STAB2: variants seen among roughly 807,000 people sequenced by gnomAD.
STAB2 encodes stabilin 2.
A neutral mutation model predicts 338.1 loss-of-function variants in STAB2; 288 were observed. The ratio of observed to expected loss-of-function variants is 0.85; its 90% CI spans 0.77 to 0.94. The LOEUF is 0.94. Among genes scored for constraint, STAB2 ranks in the 40% least tolerant of loss-of-function variants. The pLI is 0.00. For synonymous variants in STAB2, 1,202 were observed against 1,193.3 expected (o/e 1.01, Z -0.15); for missense variants, 3,141 against 3,210.1 (o/e 0.98, Z 0.52).
chr12:103,748,098 G>A (rs934554597), intron 58 of STAB2, among the ~76,000 whole-genome samples: 1 of 151,806 alleles, frequency 6.6e-6, no homozygotes, highest in Non-Finnish European at 1.5e-5. Flanking sequence ...TATTTTTCAT[G>A]GATAAATATT....
At chr12:103,699,060 T>A (rs1878635913) in intron 33 of STAB2, 36 bp from the exon 34 acceptor site, 1 of 1,584,302 alleles carries the variant, frequency 6.3e-7, no homozygotes, top group Non-Finnish European at 8.6e-7. Context: ...GTCAGGCTGA[T>A]CTCTTGACTG....
chr12:103,640,122 G>A lies in STAB2; in HGVS notation c.907-1G>A, dbSNP rs753893082. On this transcript the variant is annotated splice_acceptor_variant, in intron 8 of 68. Coordinates refer to ENST00000388887, the MANE Select transcript of STAB2 (RefSeq NM_017564.10). LOFTEE classifies it high-confidence loss of function. ...TGTTTTTCTCTTCCTGTCTACTGAA[G>A]TCTCACTGCGAGTGTAAGGAGCATT... 1 of 1,610,110 alleles carries A rather than the reference G, an allele frequency of 6.2e-7. No individual in the cohort carries two copies. Among genetic ancestry groups the A allele is most frequent in the East Asian group, 2.2e-5 (1 of 44,836 alleles).
intron 56 of STAB2, among the ~76,000 whole-genome samples, chr12:103,743,142 T>G (rs180924663): frequency 1.3e-5 from 2 of 151,492 alleles, no homozygotes; most frequent in East Asian, 3.9e-4. Context: ...CCAGCCTCAG[T>G]CTCCTGAGTA....
At chr12:103,631,718 G>A (rs550374142) in intron 6 of STAB2, 25 bp downstream of exon 6, 1 of 1,605,108 alleles carries the variant, frequency 6.2e-7, no homozygotes, top group South Asian at 1.1e-5. Context: ...TTCCCTTAAT[G>A]CCACACCAGA....
chr12:103,712,642 G>A lies in STAB2; in HGVS notation c.4411+199G>A, dbSNP rs1879972739. 2.0e-5 allele frequency among the ~76,000 whole-genome samples: 3 copies of A among 152,106 alleles called. No individual in the cohort carries two copies. In the South Asian group the frequency reaches 6.2e-4, roughly 32 times the overall value. On this transcript the variant is annotated intron_variant, in intron 41 of 68. Coordinates refer to ENST00000388887, the MANE Select transcript of STAB2 (RefSeq NM_017564.10). ...GCCTTGACCACAATTGGGATCACCTGGGAAGCTTTAAAAAACAGTGATTTG... is the reference window on the plus strand; with the variant it reads ...GCCTTGACCACAATTGGGATCACCTAGGAAGCTTTAAAAAACAGTGATTTG...
chr12:103,593,510 A>G (rs1593118041), intron 2 of STAB2, among the ~76,000 whole-genome samples: 1 of 151,798 alleles, frequency 6.6e-6, no homozygotes, highest in African/African-American at 2.4e-5. Context: ...CTGCCCTTGG[A>G]CTCTCCTTCT....
chr12:103,695,179 G>A (rs889582590), intron 31 of STAB2, among the ~76,000 whole-genome samples: 3 of 152,190 alleles, frequency 2.0e-5, no homozygotes, highest in Non-Finnish European at 4.4e-5. Flanking sequence ...GAAAGGATTA[G>A]ATATTAGCTG....
chr12:103,682,486 G>T (rs757098344), intron 25 of STAB2, among the ~76,000 whole-genome samples: 2 of 152,186 alleles, frequency 1.3e-5, no homozygotes, highest in Non-Finnish European at 2.9e-5. Flanking sequence ...TTTCTAAATT[G>T]AACAAAGTGC....
intron 12 of STAB2, among the ~76,000 whole-genome samples, chr12:103,653,710 A>AGATGGATGGATGGATGGATGGATG (rs61343465): frequency 8.1e-6 from 1 of 122,986 alleles, no homozygotes; most frequent in Non-Finnish European, 1.7e-5. Context: ...ATGGATGGAT[A>AGATGGATGGATGGATGGATGGATG]GATGGATGGA....
At chr12:103,587,589 G>A in intron 1 of STAB2, 32 bp downstream of exon 1, 1 of 1,564,950 alleles carries the variant, frequency 6.4e-7, no homozygotes, top group South Asian at 1.1e-5. Flanking sequence ...TTTTTCATTT[G>A]TTAATTGTCA....
chr12:103,689,050 A>AT (rs904756588), intron 28 of STAB2, among the ~76,000 whole-genome samples: 1 of 151,826 alleles, frequency 6.6e-6, no homozygotes, highest in Non-Finnish European at 1.5e-5. Context: ...GTTGTTAAAC[A>AT]TGCCACTGCT....
intron 59 of STAB2, among the ~76,000 whole-genome samples, chr12:103,750,238 C>G (rs565134956): frequency 6.6e-6 from 1 of 152,304 alleles, no homozygotes; most frequent in Admixed American, 6.5e-5. Flanking sequence ...ATGCACTGTA[C>G]AGAAACAAAT....
At chr12:103,752,567 G>A (rs1031841591) in intron 60 of STAB2, among the ~76,000 whole-genome samples, 1 of 152,150 alleles carries the variant, frequency 6.6e-6, no homozygotes, top group African/African-American at 2.4e-5. Flanking sequence ...ATCTTAGGGG[G>A]AAATGAATTT....
intron 3 of STAB2, among the ~76,000 whole-genome samples, chr12:103,605,987 G>T (rs767233724): frequency 2.6e-5 from 4 of 151,902 alleles, no homozygotes; most frequent in African/African-American, 9.7e-5. Flanking sequence ...TATTTAATGC[G>T]TTAGGTTTAC....
Position 103,699,225 on chromosome 12 carries a change from C to T in STAB2, c.3712C>T (p.Gln1238Ter). The T allele has an allele frequency of 6.2e-7, 1 of 1,609,288 alleles. No individual in the cohort carries two copies. Among genetic ancestry groups the T allele is most frequent in the Middle Eastern group, 1.7e-4 (1 of 6,044 alleles). The stretch of plus-strand genomic sequence containing the variant: ...CCTTAGCTTCTTTCTCCATAATGAC[C>T]AGGTACGATCCTTTTATGTAAAACC... ...YFLSFFLHNDQLYVNEAPINY... is the reference protein window; with the variant it reads ...YFLSFFLHND Residue 1238 changes from glutamine to a stop codon, truncating the protein, a stop_gained and splice_region_variant, in exon 34 of 69, where the codon CAG becomes TAG. Coordinates refer to ENST00000388887, the MANE Select transcript of STAB2 (RefSeq NM_017564.10). LOFTEE classifies it high-confidence loss of function.
chr12:103,740,134 G>T (rs1882466791), intron 54 of STAB2, among the ~76,000 whole-genome samples: 1 of 152,200 alleles, frequency 6.6e-6, no homozygotes, highest in Non-Finnish European at 1.5e-5. Context: ...TGGGTACACT[G>T]AAGTGCCTGG....
At chr12:103,741,330 C>G (rs1882568445) in intron 55 of STAB2, among the ~76,000 whole-genome samples, 2 of 152,214 alleles carry the variant, frequency 1.3e-5, no homozygotes, top group Non-Finnish European at 2.9e-5. Flanking sequence ...AAAGCACTAT[C>G]TGCTACATGT....
At position 103,764,094 on chromosome 12, in the gene STAB2, CA is replaced by C. The variant is rs2139255226; in HGVS notation, c.7605+487del. On this transcript the variant is annotated intron_variant, in intron 68 of 68. Coordinates refer to ENST00000388887, the MANE Select transcript of STAB2 (RefSeq NM_017564.10). ...TCTGCCTCCCGAGTAGCTGGGATTA[CA>C]GGCGCATACCACCATGCCCAGCTAA... Among the ~76,000 whole-genome samples, 2 of 151,976 alleles carry C rather than the reference CA, an allele frequency of 1.3e-5. 1 individual carries two copies. Among genetic ancestry groups the C allele is most frequent in the South Asian group, 4.2e-4 (2 of 4,784 alleles).
At chr12:103,627,469 G>A (rs1209426970) in intron 5 of STAB2, among the ~76,000 whole-genome samples, 6 of 152,276 alleles carry the variant, frequency 3.9e-5, no homozygotes, top group South Asian at 4.1e-4. Flanking sequence ...TTAAAGTCAC[G>A]CCACCCAAGT....
Sources: allele counts gnomAD v4.1 joint callset (sites outside exome capture counted in the v4.1 genomes callset), GRCh38; gene constraint gnomAD v4.1.1; transcripts MANE v1.5; gene names NCBI Gene and HGNC (gene_info 2026-07-23, HGNC 2026-07-21).